KLKB1: variants seen among roughly 807,000 people sequenced by gnomAD.
The protein encoded by KLKB1 is plasma kallikrein.
Under a neutral mutation model 73.6 loss-of-function variants are expected in KLKB1, and 58 were observed. That is an observed-to-expected ratio of 0.79 (90% CI 0.64 to 0.98). The LOEUF (loss-of-function observed/expected upper bound fraction) is 0.98. Ranked by LOEUF, KLKB1 falls within the 50% of genes least tolerant of loss-of-function variation. KLKB1 has a pLI of 0.00. For synonymous variants in KLKB1, 280 were observed against 258.1 expected (o/e 1.08, Z -0.81); for missense variants, 737 against 763.8 (o/e 0.96, Z 0.41).
chr4:186,257,750 T>A (rs1028570992), intron 14 of KLKB1, among the ~76,000 whole-genome samples: 1 of 110,666 alleles, frequency 9.0e-6, no homozygotes, highest in Non-Finnish European at 2.2e-5. Context: ...AGTGAGTGTG[T>A]GTGTGTGTGT....
chr4:186,251,157 T>A, intron 7 of KLKB1, 62 bp from the exon 8 acceptor site: 1 of 1,082,556 alleles, frequency 9.2e-7, no homozygotes, highest in Non-Finnish European at 1.4e-6. Flanking sequence ...GCTTTTGTAT[T>A]TGCCTAATGC....
At position 186,217,759 on chromosome 4, in the gene KLKB1, C is replaced by T. The variant is rs138378519; in HGVS notation, c.201+8487C>T. ...TTGCAAGGAGGTGTATTTCAGTATA[C>T]AGGAAGTTTTTTTCTTTTCTTAAAA... On this transcript the variant is annotated intron_variant, in intron 2 of 14. Transcript: ENST00000511608. Among the ~76,000 whole-genome samples, 463 of 152,152 alleles carry T rather than the reference C, an allele frequency of 3.0e-3. 3 individuals carry two copies. Among genetic ancestry groups the T allele is most frequent in the African/African-American group, 0.01 (436 of 41,530 alleles).
intron 2 of KLKB1, among the ~76,000 whole-genome samples, chr4:186,218,500 T>C (rs543313972): frequency 1.2e-4 from 19 of 152,262 alleles, no homozygotes; most frequent in African/African-American, 4.3e-4. Context: ...TTTTTCTACC[T>C]TTTTTTATGT....
upstream of KLKB1, among the ~76,000 whole-genome samples, chr4:186,225,446 A>G (rs1300402381): frequency 4.1e-5 from 4 of 96,800 alleles, no homozygotes; most frequent in Non-Finnish European, 7.7e-5. Context: ...TTTTTTTTAG[A>G]TGGAGTCTAG....
intron 2 of KLKB1, among the ~76,000 whole-genome samples, chr4:186,218,337 T>A (rs1200031487): frequency 6.6e-6 from 1 of 152,202 alleles, no homozygotes; most frequent in Non-Finnish European, 1.5e-5. Flanking sequence ...TCACTGTGCC[T>A]GCAAGCAACT....
upstream of KLKB1, among the ~76,000 whole-genome samples, chr4:186,221,960 A>G (rs1456111968): frequency 6.6e-6 from 1 of 152,120 alleles, no homozygotes; most frequent in East Asian, 1.9e-4. Context: ...GTACATGTGT[A>G]TTTACAATTG....
intron 6 of KLKB1, among the ~76,000 whole-genome samples, chr4:186,244,096 C>T: frequency 6.6e-6 from 1 of 152,176 alleles, no homozygotes; most frequent in East Asian, 1.9e-4. Flanking sequence ...CTGCGCAGCC[C>T]TGCACTTCGG....
upstream of KLKB1, among the ~76,000 whole-genome samples, chr4:186,225,692 C>T (rs942654788): frequency 1.3e-5 from 2 of 152,026 alleles, no homozygotes; most frequent in African/African-American, 4.8e-5. Context: ...TCTTGGCCTC[C>T]CAAAGTGCTG....
chr4:186,225,102 A>G, upstream of KLKB1, among the ~76,000 whole-genome samples: 1 of 152,172 alleles, frequency 6.6e-6, no homozygotes, highest in Non-Finnish European at 1.5e-5. Flanking sequence ...GCCATGGGTA[A>G]CTGTGAGTCA....
intron 6 of KLKB1, among the ~76,000 whole-genome samples, chr4:186,244,870 G>A (rs80177406): frequency 0.29 from 43,742 of 151,956 alleles, 7,531 homozygotes; most frequent in East Asian, 0.37. Context: ...GGCATTGAGC[G>A]GGGTAAGTGT....
At chr4:186,233,384 A>G (rs559294767) in intron 3 of KLKB1, among the ~76,000 whole-genome samples, 1 of 152,350 alleles carries the variant, frequency 6.6e-6, no homozygotes, top group South Asian at 2.1e-4. Flanking sequence ...TACCAACTAG[A>G]AATTGGATAG....
At chr4:186,257,641 GGAT>G (rs1561469307) in intron 14 of KLKB1, among the ~76,000 whole-genome samples, 1 of 143,970 alleles carries the variant, frequency 6.9e-6, no homozygotes, top group African/African-American at 2.6e-5. Flanking sequence ...TTCATCATTG[GGAT>G]GATGATATCA....
intron 6 of KLKB1, among the ~76,000 whole-genome samples, chr4:186,248,042 T>C (rs1222466697): frequency 6.6e-6 from 1 of 151,938 alleles, no homozygotes; most frequent in Non-Finnish European, 1.5e-5. Context: ...GGTCAGGAGA[T>C]TGAAACCATC....
At chr4:186,219,821 T>C (rs1736994711) in intron 2 of KLKB1, among the ~76,000 whole-genome samples, 1 of 152,128 alleles carries the variant, frequency 6.6e-6, no homozygotes, top group Non-Finnish European at 1.5e-5. Flanking sequence ...CCCATTGACC[T>C]TAATCACAGG....
At chr4:186,251,120 T>C (rs1470802671) in intron 7 of KLKB1, 99 bp from the exon 8 acceptor site, 1 of 738,128 alleles carries the variant, frequency 1.4e-6, no homozygotes, top group African/African-American at 1.8e-5. Flanking sequence ...GAATAAAATT[T>C]GCTGCGTTGC....
At chr4:186,248,803 A>C (rs1267463610) in intron 6 of KLKB1, among the ~76,000 whole-genome samples, 5 of 152,166 alleles carry the variant, frequency 3.3e-5, no homozygotes, top group African/African-American at 1.2e-4. Flanking sequence ...GCAACAATTG[A>C]GGGCTTCAGT....
chr4:186,246,671 A>C (rs1432392433), intron 6 of KLKB1, among the ~76,000 whole-genome samples: 2 of 152,108 alleles, frequency 1.3e-5, no homozygotes, highest in Non-Finnish European at 2.9e-5. Context: ...AAAGTTGCCT[A>C]TAGTGAAGGA....
chr4:186,240,350 G>GT (rs1359862058), intron 6 of KLKB1, among the ~76,000 whole-genome samples: 5 of 151,970 alleles, frequency 3.3e-5, no homozygotes, highest in Non-Finnish European at 7.4e-5. Context: ...CAGTGACGTT[G>GT]TAATAGTTAT....
chr4:186,231,535 G>C (rs983663958), intron 2 of KLKB1, among the ~76,000 whole-genome samples: 13 of 152,256 alleles, frequency 8.5e-5, no homozygotes, highest in African/African-American at 3.1e-4. Flanking sequence ...ATACTGAGAT[G>C]AGGAACAATG....
Sources: gnomAD v4.1 joint callset for allele counts (sites outside exome capture counted in the v4.1 genomes callset) on GRCh38, gnomAD v4.1.1 for gene constraint, MANE v1.5 for transcripts, NCBI Gene and HGNC (gene_info 2026-07-23, HGNC 2026-07-21) for gene names.